KATNIP: variants seen among roughly 807,000 people sequenced by gnomAD.
KATNIP encodes the protein katanin-interacting protein.
In KATNIP, 126 loss-of-function variants were observed where a neutral mutation model predicts 174.0. The ratio of observed to expected loss-of-function variants is 0.72; its 90% confidence interval spans 0.63 to 0.84. KATNIP has a LOEUF of 0.84. Among genes scored for constraint, KATNIP ranks in the 40% least tolerant of loss-of-function variants. KATNIP has a pLI of 0.00. For synonymous variants in KATNIP, 810 were observed against 835.7 expected (o/e 0.97, Z 0.53); for missense variants, 1,958 against 2,109.7 (o/e 0.93, Z 1.41).
chr16:27,575,108 C>G (rs768439195), intron 2 of KATNIP, among the ~76,000 whole-genome samples: 5 of 152,162 alleles, frequency 3.3e-5, no homozygotes, highest in Non-Finnish European at 7.3e-5. Context: ...ACAATAGTTA[C>G]AATACAGTGT....
intron 9 of KATNIP, 84 bp downstream of exon 9, chr16:27,698,584 C>A: frequency 7.3e-7 from 1 of 1,378,140 alleles, no homozygotes; most frequent in Non-Finnish European, 9.7e-7. Context: ...AGCAAGTGTG[C>A]AGAAGAGAGA....
intron 5 of KATNIP, among the ~76,000 whole-genome samples, chr16:27,639,946 G>C (rs1300786071): frequency 2.6e-5 from 4 of 152,270 alleles, no homozygotes; most frequent in African/African-American, 9.6e-5. Flanking sequence ...TAGAGCTCTC[G>C]TACCTCTAGA....
At chr16:27,735,629 G>A (rs984203829) in intron 14 of KATNIP, among the ~76,000 whole-genome samples, 1 of 152,156 alleles carries the variant, frequency 6.6e-6, no homozygotes, top group Non-Finnish European at 1.5e-5. Context: ...TCTGACAGTC[G>A]GCAAATGGTA....
At chr16:27,747,503 A>C (rs2081335452) in intron 15 of KATNIP, among the ~76,000 whole-genome samples, 1 of 152,074 alleles carries the variant, frequency 6.6e-6, no homozygotes, top group Admixed American at 6.5e-5. Flanking sequence ...TTCTCTCTAT[A>C]GGGTAGCAAG....
intron 23 of KATNIP, among the ~76,000 whole-genome samples, chr16:27,774,280 G>A (rs1171426301): frequency 6.6e-6 from 1 of 152,110 alleles, no homozygotes; most frequent in Non-Finnish European, 1.5e-5. Flanking sequence ...CATTATTAGC[G>A]ACTCCTCGAA....
At chr16:27,578,643 T>C (rs2090585984) in intron 2 of KATNIP, among the ~76,000 whole-genome samples, 2 of 152,178 alleles carry the variant, frequency 1.3e-5, no homozygotes, top group Non-Finnish European at 1.5e-5. Context: ...AGTGACACAA[T>C]CTCAGTTCAC....
intron 2 of KATNIP, among the ~76,000 whole-genome samples, chr16:27,612,927 T>C (rs2075938556): frequency 6.6e-6 from 1 of 151,370 alleles, no homozygotes; most frequent in African/African-American, 2.4e-5. Flanking sequence ...CTGGGCAACA[T>C]AGTGAGACCC....
chr16:27,726,018 G>A (rs1222319986), intron 14 of KATNIP, among the ~76,000 whole-genome samples: 1 of 152,170 alleles, frequency 6.6e-6, no homozygotes, highest in African/African-American at 2.4e-5. Context: ...GTACCAGTCT[G>A]TGGCCTGTTA....
chr16:27,764,013 G>A (rs965999903), intron 19 of KATNIP, among the ~76,000 whole-genome samples: 6 of 152,214 alleles, frequency 3.9e-5, no homozygotes, highest in African/African-American at 1.2e-4. Context: ...AGAATAGAAT[G>A]TCTGGTTGCC....
chr16:27,721,101 G>A (rs1301992450), intron 13 of KATNIP, among the ~76,000 whole-genome samples: 2 of 152,284 alleles, frequency 1.3e-5, no homozygotes, highest in East Asian at 1.9e-4. Flanking sequence ...CAACGACTGA[G>A]CTAGTAGCTT....
intron 2 of KATNIP, among the ~76,000 whole-genome samples, chr16:27,615,947 A>G (rs551640883): frequency 6.6e-6 from 1 of 152,216 alleles, no homozygotes; most frequent in East Asian, 1.9e-4. Context: ...AGGTTCCCAC[A>G]CAAGTTGCAT....
chr16:27,680,082 G>C (rs74019416), intron 7 of KATNIP, among the ~76,000 whole-genome samples: 2,768 of 152,118 alleles, frequency 0.018, 67 homozygotes, highest in East Asian at 0.092. Context: ...ATGGCGCTGG[G>C]TTCACTGGCC....
intron 14 of KATNIP, among the ~76,000 whole-genome samples, chr16:27,730,442 C>G (rs907986708): frequency 1.3e-5 from 2 of 152,128 alleles, no homozygotes; most frequent in Non-Finnish European, 2.9e-5. Context: ...CAGTACTTGT[C>G]TGGACCCTGA....
intron 2 of KATNIP, among the ~76,000 whole-genome samples, chr16:27,617,905 T>G (rs2076088020): frequency 6.6e-6 from 1 of 152,082 alleles, no homozygotes; most frequent in Non-Finnish European, 1.5e-5. Context: ...GCCTGGCTAA[T>G]TTTTAAATTA....
intron 2 of KATNIP, among the ~76,000 whole-genome samples, chr16:27,574,744 A>G (rs1051179166): frequency 3.3e-5 from 5 of 151,480 alleles, no homozygotes; most frequent in African/African-American, 1.2e-4. Flanking sequence ...TTGTATTTTT[A>G]GTAGAGATGG....
chr16:27,733,205 G>T (rs2080761069), intron 14 of KATNIP, among the ~76,000 whole-genome samples: 1 of 152,222 alleles, frequency 6.6e-6, no homozygotes, highest in Non-Finnish European at 1.5e-5. Context: ...GTGCCGCCAT[G>T]AATCTTTGTT....
chr16:27,758,267 G>A (rs1316063767), intron 18 of KATNIP, among the ~76,000 whole-genome samples: 1 of 152,154 alleles, frequency 6.6e-6, no homozygotes, highest in Non-Finnish European at 1.5e-5. Flanking sequence ...CTCAGGAGTG[G>A]TGCCACAGTT....
intron 15 of KATNIP, among the ~76,000 whole-genome samples, chr16:27,749,087 C>T (rs903199708): frequency 3.3e-5 from 5 of 152,190 alleles, no homozygotes; most frequent in Admixed American, 6.5e-5. Context: ...CTGACTCAGA[C>T]GCCTCAGGCA....
At chr16:27,778,425 G>C (rs923978000) in intron 27 of KATNIP, 149 bp from the exon 28 acceptor site, 1 of 730,058 alleles carries the variant, frequency 1.4e-6, no homozygotes, top group African/African-American at 1.8e-5. Flanking sequence ...GGAGGGAAGG[G>C]GCCAGCGTGC....
Sources: gnomAD v4.1 joint callset for allele counts (sites outside exome capture counted in the v4.1 genomes callset) on GRCh38, gnomAD v4.1.1 for gene constraint, MANE v1.5 for transcripts, NCBI Gene and HGNC (gene_info 2026-07-23, HGNC 2026-07-21) for gene names.